Variants in KIAA1671 observed in about 807,000 individuals in gnomAD.
The protein encoded by KIAA1671 is KIAA1671.
KIAA1671 carries 52 observed loss-of-function variants against 131.2 expected under a neutral mutation model. The ratio of observed to expected loss-of-function variants is 0.40; its 90% CI spans 0.32 to 0.50. The LOEUF is 0.50. Ranked by LOEUF, KIAA1671 falls within the 20% of genes least tolerant of loss-of-function variation. The pLI, the probability that KIAA1671 is intolerant of heterozygous loss-of-function variation, is 0.73. For synonymous variants in KIAA1671, 1,003 were observed against 961.6 expected (o/e 1.04, Z -0.80); for missense variants, 2,360 against 2,364.2 (o/e 1.00, Z 0.04).
At chr22:24,980,222 A>G (rs1311382292) in intron 1 of KIAA1671, among the ~76,000 whole-genome samples, 4 of 151,926 alleles carry the variant, frequency 2.6e-5, no homozygotes, top group African/African-American at 4.8e-5. Flanking sequence ...TAGTATGAAT[A>G]AAATGCTGTA....
intron 6 of KIAA1671, among the ~76,000 whole-genome samples, chr22:25,169,253 C>CA (rs1330004887): frequency 1.3e-5 from 2 of 151,662 alleles, no homozygotes; most frequent in African/African-American, 4.8e-5. Context: ...CCCATCTCTA[C>CA]AAAAAAATTT....
chr22:25,009,513 C>T (rs1274114328), intron 1 of KIAA1671, among the ~76,000 whole-genome samples: 2 of 151,290 alleles, frequency 1.3e-5, no homozygotes, highest in South Asian at 2.1e-4. Context: ...GATCTTCCTG[C>T]CTCATCCTCC....
At chr22:24,993,740 C>A (rs1444170631) in intron 1 of KIAA1671, among the ~76,000 whole-genome samples, 2 of 152,158 alleles carry the variant, frequency 1.3e-5, no homozygotes, top group East Asian at 3.8e-4. Flanking sequence ...CATAATAGGT[C>A]AATATCATCT....
At chr22:25,158,478 A>C (rs573293871) in intron 6 of KIAA1671, among the ~76,000 whole-genome samples, 3 of 152,132 alleles carry the variant, frequency 2.0e-5, no homozygotes, top group African/African-American at 7.2e-5. Context: ...AGGGGGTTCT[A>C]TGGGGGTCCT....
chr22:25,145,411 G>A (rs2145967663), intron 6 of KIAA1671, among the ~76,000 whole-genome samples: 1 of 152,334 alleles, frequency 6.6e-6, no homozygotes, highest in East Asian at 1.9e-4. Flanking sequence ...GTTTCCCCAA[G>A]GCCACACAGC....
chr22:25,105,798 A>G (rs1334011527), intron 6 of KIAA1671, among the ~76,000 whole-genome samples: 65 of 137,020 alleles, frequency 4.7e-4, no homozygotes, highest in Non-Finnish European at 9.0e-4. Context: ...CAGGATATAT[A>G]GCTTGTCACA....
intron 4 of KIAA1671, among the ~76,000 whole-genome samples, chr22:25,036,663 A>G (rs1926615403): frequency 6.6e-6 from 1 of 152,158 alleles, no homozygotes; most frequent in African/African-American, 2.4e-5. Flanking sequence ...TCACACCTGT[A>G]ATCCCAGCAC....
rs557091039 is a variant in KIAA1671, at chr22:24,967,788, C to T, written c.-208+15016C>T. 7.2e-5 allele frequency among the ~76,000 whole-genome samples: 11 copies of T among 152,218 alleles called. No homozygotes were observed. The South Asian group carries it at 1.2e-3, about 17-fold the overall frequency. ...TGGGCGGATCATGAGGTCAGGAGAT[C>T]GAGACCATCCTGGCTAACACGGTGA... On this transcript the variant is annotated intron_variant, in intron 1 of 12. Transcript: ENST00000358431.
Position 25,072,153 on chromosome 22 carries a change from A to G in KIAA1671, c.4530+22789A>G, listed in dbSNP as rs112676781. On this transcript the variant is annotated intron_variant, in intron 6 of 12. Coordinates refer to ENST00000358431, the MANE Select transcript of KIAA1671 (RefSeq NM_001145206.2). Reference sequence around the variant, plus strand: ...GTCAGAAAGAGCAAGAGCCCATGGCATGCCCATGGTACATTCCAGGTACTG... The same window carrying G: ...GTCAGAAAGAGCAAGAGCCCATGGCGTGCCCATGGTACATTCCAGGTACTG... Among the ~76,000 whole-genome samples the G allele has an allele frequency of 2.2e-3, 338 of 152,302 alleles. 2 individuals are homozygous for G. Among genetic ancestry groups the G allele is most frequent in the African/African-American group, 7.6e-3 (318 of 41,570 alleles).
At chr22:25,008,152 C>A (rs12160459) in intron 1 of KIAA1671, among the ~76,000 whole-genome samples, 2 of 135,312 alleles carry the variant, frequency 1.5e-5, no homozygotes, top group African/African-American at 2.8e-5. Context: ...GAACTGGGAT[C>A]GCGCCACTGC....
intron 1 of KIAA1671, among the ~76,000 whole-genome samples, chr22:24,957,754 T>C (rs979738470): frequency 1.1e-4 from 16 of 147,844 alleles, no homozygotes; most frequent in Middle Eastern, 6.9e-3. Flanking sequence ...CTCGGCTTAC[T>C]GCAGCCTCCA....
At chr22:25,169,954 T>C (rs1933787019) in intron 6 of KIAA1671, among the ~76,000 whole-genome samples, 1 of 152,312 alleles carries the variant, frequency 6.6e-6, no homozygotes, top group Non-Finnish European at 1.5e-5. Context: ...AGTGTCTCTC[T>C]GTCGCCCAGG....
chr22:25,088,893 C>T (rs547285060), intron 6 of KIAA1671, among the ~76,000 whole-genome samples: 3 of 151,932 alleles, frequency 2.0e-5, no homozygotes, highest in South Asian at 4.2e-4. Context: ...CACACACACA[C>T]GTGCACGCAC....
intron 6 of KIAA1671, among the ~76,000 whole-genome samples, chr22:25,073,689 C>G (rs58026207): frequency 6.6e-6 from 1 of 152,230 alleles, no homozygotes; most frequent in Admixed American, 6.5e-5. Flanking sequence ...CTACACCCCT[C>G]TGCCCCATTC....
intron 1 of KIAA1671, among the ~76,000 whole-genome samples, chr22:24,960,129 TCAAA>T (rs1921935194): frequency 8.4e-6 from 1 of 118,648 alleles, no homozygotes; most frequent in Non-Finnish European, 1.6e-5. Flanking sequence ...AGACTCCGTC[TCAAA>T]TAAATAAATA....
chr22:25,122,386 C>T (rs1271157029), intron 6 of KIAA1671, among the ~76,000 whole-genome samples: 1 of 152,070 alleles, frequency 6.6e-6, no homozygotes, highest in Non-Finnish European at 1.5e-5. Context: ...GGCAATGACC[C>T]AATGACCCAA....
chr22:25,082,375 G>C (rs577166514), intron 6 of KIAA1671, among the ~76,000 whole-genome samples: 1 of 152,200 alleles, frequency 6.6e-6, no homozygotes, highest in African/African-American at 2.4e-5. Context: ...ACCACAATGC[G>C]CAGAGGCCAG....
intron 6 of KIAA1671, among the ~76,000 whole-genome samples, chr22:25,130,588 A>G (rs1932398262): frequency 6.6e-6 from 1 of 152,220 alleles, no homozygotes; most frequent in Non-Finnish European, 1.5e-5. Flanking sequence ...ATTGCTAAAA[A>G]AAGAAGTCCC....
intron 1 of KIAA1671, among the ~76,000 whole-genome samples, chr22:25,000,218 G>T (rs1256086927): frequency 7.9e-5 from 3 of 38,094 alleles, no homozygotes; most frequent in African/African-American, 2.3e-4. Flanking sequence ...TTTTGAGACG[G>T]AGTCTCGCTC....
Sources: gnomAD v4.1 joint callset for allele counts (sites outside exome capture counted in the v4.1 genomes callset) on GRCh38, gnomAD v4.1.1 for gene constraint, MANE v1.5 for transcripts, NCBI Gene and HGNC (gene_info 2026-07-23, HGNC 2026-07-21) for gene names.